The following ENTPD6 variants were observed in gnomAD, a reference collection of about 807,000 sequenced individuals.
The protein encoded by ENTPD6 is CD39 antigen-like 2.
In ENTPD6, 46 loss-of-function variants were observed where a neutral mutation model predicts 61.5. The observed-to-expected ratio is 0.75, with a 90% CI of 0.59 to 0.96. The LOEUF is 0.96. ENTPD6 is among the 40% of genes least tolerant of loss of function. The pLI, the probability that ENTPD6 is intolerant of heterozygous loss-of-function variation, is 0.00. For synonymous variants in ENTPD6, 252 were observed against 255.5 expected, an observed-to-expected ratio of 0.99 and a Z score of 0.13; for missense variants, 612 against 629.0, an observed-to-expected ratio of 0.97 and a Z score of 0.29.
At chr20:25,212,461 C>T (rs2092034639) in intron 4 of ENTPD6, among the ~76,000 whole-genome samples, 2 of 152,202 alleles carry the variant, frequency 1.3e-5, no homozygotes, top group Admixed American at 6.5e-5. Context: ...ACCTGTCCTC[C>T]CCCTGCCATG....
chr20:25,206,483 G>C (rs2091509843), intron 1 of ENTPD6, 39 bp from the exon 2 acceptor site: 1 of 1,520,142 alleles, frequency 6.6e-7, no homozygotes, highest in African/African-American at 1.4e-5. Flanking sequence ...AATTTTTGTA[G>C]GCTTTGGAAG....
rs2092237750 is a variant in ENTPD6 at position 25,215,032 on chromosome 20, C to A, written c.673+90C>A. ...CTGCTTCTAACCATCCGCCACCCCT[C>A]CCCGCCCCATGTGGGAGCCTCCTCC... On this transcript the variant is annotated intron_variant, in intron 6 of 14. Coordinates refer to ENST00000376652, the MANE Select transcript of ENTPD6 (RefSeq NM_001247.5). The A allele has an allele frequency of 1.4e-5, 12 of 851,294 alleles. No homozygotes were observed. The South Asian group carries it at 1.7e-4, about 12-fold the overall frequency. The allele number at this position is 851,294 out of a possible 1,614,324, so 52.7% of individuals were successfully genotyped here.
chr20:25,195,799 A>T lies in ENTPD6; in HGVS notation c.-84A>T. ...CGGCCGGGGCGGGGGAGCCCAAAAGACCGGCTGCCGCCTGCTCCCCGGAAA... is the reference window on the plus strand; with the variant it reads ...CGGCCGGGGCGGGGGAGCCCAAAAGTCCGGCTGCCGCCTGCTCCCCGGAAA... On this transcript the variant is annotated 5_prime_UTR_variant, in exon 1 of 15. Coordinates refer to ENST00000376652, the MANE Select transcript of ENTPD6 (RefSeq NM_001247.5). 8.1e-7 allele frequency: 1 copy of T among 1,231,240 alleles called. No individual in the cohort carries two copies. Among genetic ancestry groups the T allele is most frequent in the East Asian group, 3.2e-5 (1 of 31,656 alleles). The allele number at this position is 1,231,240 out of a possible 1,614,324, so 76.3% of individuals were successfully genotyped here.
chr20:25,217,636 C>G, intron 9 of ENTPD6, 55 bp downstream of exon 9: 1 of 1,474,902 alleles, frequency 6.8e-7, no homozygotes. Flanking sequence ...ATGCAGCTCC[C>G]AGGGCCTCGC....
chr20:25,219,404 C>T (rs1385339399), intron 10 of ENTPD6, among the ~76,000 whole-genome samples: 1 of 152,234 alleles, frequency 6.6e-6, no homozygotes, highest in South Asian at 2.1e-4. Context: ...CTTGCAAGAA[C>T]ATCCCTCCTC....
At chr20:25,218,213 A>T (rs1467033957) in intron 9 of ENTPD6, among the ~76,000 whole-genome samples, 3 of 152,222 alleles carry the variant, frequency 2.0e-5, no homozygotes, top group Non-Finnish European at 4.4e-5. Flanking sequence ...CATGGGCCAC[A>T]CAGGAGTGTT....
chr20:25,215,570 A>G (rs1014794545), intron 6 of ENTPD6, 106 bp from the exon 7 acceptor site: 1 of 1,128,866 alleles, frequency 8.9e-7, no homozygotes, highest in Non-Finnish European at 1.3e-6. Context: ...TGCGGAAGTG[A>G]TCCCTTTATG....
At chr20:25,198,574 A>T (rs149244593) in intron 1 of ENTPD6, among the ~76,000 whole-genome samples, 3 of 152,284 alleles carry the variant, frequency 2.0e-5, no homozygotes, top group African/African-American at 7.2e-5. Context: ...CTCATTATTC[A>T]TCCCTGGAGT....
At chr20:25,216,554 C>A in intron 7 of ENTPD6, 94 bp from the exon 8 acceptor site, 1 of 853,544 alleles carries the variant, frequency 1.2e-6, no homozygotes, top group South Asian at 1.6e-5. Context: ...TCTGTCTTTT[C>A]TTTCCCCTGA....
intron 10 of ENTPD6, 108 bp from the exon 11 acceptor site, chr20:25,221,124 G>A: frequency 1.3e-6 from 1 of 787,644 alleles, no homozygotes. Context: ...AAGCCACTCA[G>A]CTTCCCCCAT....
chr20:25,214,756 TTCG>T lies in ENTPD6; in HGVS notation c.598-109_598-107del, dbSNP rs2092216410. ...TTGATCACAACCAGTTACAGATTTTTTCGTTCTTCTCCACCCACACTGCTTCAC... is the reference window on the plus strand; with the variant it reads ...TTGATCACAACCAGTTACAGATTTTTTTCTTCTCCACCCACACTGCTTCAC... On this transcript the variant is annotated intron_variant, in intron 5 of 14. Coordinates refer to ENST00000376652, the MANE Select transcript of ENTPD6 (RefSeq NM_001247.5). 4.4e-6 allele frequency: 3 copies of T among 685,828 alleles called. No individual in the cohort carries two copies. The Admixed American group carries it at 6.4e-5, about 15-fold the overall frequency. 42.5% of individuals were successfully genotyped at this position (685,828 alleles called of 1,614,324 possible).
rs111845203 is a variant in ENTPD6, at chr20:25,218,677, C to T, written c.943+63C>T. 8.4e-4 allele frequency: 1,247 copies of T among 1,483,426 alleles called. 6 individuals are homozygous for T. The African/African-American group carries it at 0.015, about 18-fold the overall frequency. The allele number at this position is 1,483,426 out of a possible 1,614,324, so 91.9% of individuals were successfully genotyped here. On this transcript the variant is annotated intron_variant, in intron 10 of 14. Transcript: ENST00000376652. ...CTCTGCCCTCCATTCTCAGTGGGAA[C>T]GAGGAGCCCCTCGGGAGGGCACCAG...
intron 1 of ENTPD6, 93 bp from the exon 2 acceptor site, chr20:25,206,429 C>A: frequency 9.9e-7 from 1 of 1,010,546 alleles, no homozygotes; most frequent in Non-Finnish European, 1.6e-6. Context: ...TATATCGAAC[C>A]AAAAACAATG....
At chr20:25,218,491 G>A (rs1024919406) in intron 9 of ENTPD6, 59 bp from the exon 10 acceptor site, 58 of 1,518,240 alleles carry the variant, frequency 3.8e-5, no homozygotes, top group African/African-American at 1.4e-5. Context: ...TCAGAGGTGA[G>A]CCTGCCATGA....
chr20:25,218,640 C>T, intron 10 of ENTPD6, 26 bp downstream of exon 10: 1 of 1,578,442 alleles, frequency 6.3e-7, no homozygotes. Flanking sequence ...GCCCCGGGCC[C>T]ACTTTCACAG....
chr20:25,205,422 G>A (rs2091396400), intron 1 of ENTPD6, among the ~76,000 whole-genome samples: 1 of 152,146 alleles, frequency 6.6e-6, no homozygotes, highest in Non-Finnish European at 1.5e-5. Context: ...GAGGCAGGGA[G>A]AGGCTGAGTT....
intron 1 of ENTPD6, among the ~76,000 whole-genome samples, chr20:25,196,547 G>A (rs996364717): frequency 1.2e-4 from 19 of 152,198 alleles, no homozygotes; most frequent in Non-Finnish European, 2.6e-4. Flanking sequence ...TAAGTGCAAA[G>A]TGCAAAGGAA....
chr20:25,214,840 T>C (rs1237596742), intron 5 of ENTPD6, 27 bp from the exon 6 acceptor site: 1 of 1,226,876 alleles, frequency 8.2e-7, no homozygotes, highest in Admixed American at 1.7e-5. Flanking sequence ...TTCTAAAGGA[T>C]GAAGTAACAT....
rs2092478222 is a variant in ENTPD6 at position 25,218,626 on chromosome 20, T to C, written c.943+12T>C. On this transcript the variant is annotated intron_variant, in intron 10 of 14. Coordinates refer to ENST00000376652, the MANE Select transcript of ENTPD6 (RefSeq NM_001247.5). ...GGAGGGGCAGCCTGGTGAGTGGACA[T>C]GTTGCCCCGGGCCCACTTTCACAGC... The C allele has an allele frequency of 1.9e-6, 3 of 1,594,998 alleles. No individual in the cohort carries two copies. Among genetic ancestry groups the C allele is most frequent in the African/African-American group, 1.3e-5 (1 of 74,800 alleles).
Sources: allele counts gnomAD v4.1 joint callset (sites outside exome capture counted in the v4.1 genomes callset), GRCh38; gene constraint gnomAD v4.1.1; transcripts MANE v1.5; gene names NCBI Gene and HGNC (gene_info 2026-07-23, HGNC 2026-07-21).